The following SAXO1 variants were observed in gnomAD, a reference collection of about 807,000 sequenced individuals.
SAXO1 encodes 4930500O09Rik.
SAXO1 carries 21 observed loss-of-function variants against 17.5 expected under a neutral mutation model. The observed-to-expected ratio is 1.20, with a 90% CI of 0.85 to 1.72. The LOEUF (loss-of-function observed/expected upper bound fraction) is 1.72. Among genes scored for constraint, SAXO1 ranks in the 40% most tolerant of loss-of-function variants. SAXO1 has a pLI of 0.00. For missense variants in SAXO1, 843 were observed against 596.0 expected (o/e 1.41, Z -4.32); for synonymous variants, 274 against 216.5 (o/e 1.27, Z -2.33).
intron 1 of SAXO1, among the ~76,000 whole-genome samples, chr9:19,014,459 TCA>T (rs1834884162): frequency 3.4e-5 from 1 of 29,616 alleles, no homozygotes. Context: ...AAACTGTGTC[TCA>T]AAAAAAAAAA....
At chr9:18,978,643 A>G (rs1833249892) in intron 1 of SAXO1, among the ~76,000 whole-genome samples, 1 of 152,228 alleles carries the variant, frequency 6.6e-6, no homozygotes. Flanking sequence ...GGCTGTGAAA[A>G]TAATTGCCCG....
chr9:19,022,386 G>T (rs895221968), intron 1 of SAXO1, among the ~76,000 whole-genome samples: 1 of 152,186 alleles, frequency 6.6e-6, no homozygotes, highest in Non-Finnish European at 1.5e-5. Context: ...CCACCAGAAG[G>T]AACCAATTCC....
At chr9:18,972,731 A>C (rs552694689) in intron 1 of SAXO1, among the ~76,000 whole-genome samples, 1 of 152,332 alleles carries the variant, frequency 6.6e-6, no homozygotes, top group Admixed American at 6.5e-5. Context: ...GGCCTCCTCC[A>C]GCTTCTACAA....
chr9:18,934,780 C>T (rs980358045), intron 3 of SAXO1, among the ~76,000 whole-genome samples: 5 of 152,316 alleles, frequency 3.3e-5, no homozygotes, highest in Middle Eastern at 6.8e-3. Context: ...TATGCTGCAG[C>T]AACTCTGGAT....
intron 1 of SAXO1, among the ~76,000 whole-genome samples, chr9:19,005,967 T>G (rs1268863219): frequency 6.6e-6 from 1 of 152,148 alleles, no homozygotes; most frequent in African/African-American, 2.4e-5. Flanking sequence ...CAACCCACCT[T>G]GAGTAGACAT....
rs370526504 is a variant in SAXO1, at chr9:19,010,149, A to AC, written c.38+22721_38+22722insG. Among the ~76,000 whole-genome samples the AC allele has an allele frequency of 4.6e-3, 691 of 151,240 alleles. 5 individuals carry two copies. The highest frequency in any genetic ancestry group is 0.016 in the African/African-American group (654 of 41,210). ...TGGCCTACATTTTTAATCTAAAAAAAAACAACAACAACAACAAAAACACCT... is the reference window on the plus strand; with the variant it reads ...TGGCCTACATTTTTAATCTAAAAAAACAACAACAACAACAACAAAAACACCT... On this transcript the variant is annotated intron_variant, in intron 1 of 3. Transcript: ENST00000380534.
chr9:19,048,238 GT>G (rs1836266617), intron 1 of SAXO1, among the ~76,000 whole-genome samples: 1 of 152,210 alleles, frequency 6.6e-6, no homozygotes, highest in South Asian at 2.1e-4. Flanking sequence ...GCCGAGGCAG[GT>G]GGCTGGCTTG....
intron 1 of SAXO1, among the ~76,000 whole-genome samples, chr9:18,954,239 C>T (rs1832153675): frequency 6.6e-6 from 1 of 152,136 alleles, no homozygotes; most frequent in Non-Finnish European, 1.5e-5. Context: ...TAGTAGAGAC[C>T]TTATGATGGA....
At chr9:18,941,490 C>T (rs551429482) in intron 3 of SAXO1, 147 bp downstream of exon 3, 6 of 802,772 alleles carry the variant, frequency 7.5e-6, no homozygotes, top group African/African-American at 5.2e-5. Flanking sequence ...TCCAGCTATA[C>T]AAAAACAGGC....
chr9:18,930,017 G>A (rs886588041), intron 3 of SAXO1, among the ~76,000 whole-genome samples: 3 of 152,226 alleles, frequency 2.0e-5, no homozygotes, highest in African/African-American at 7.2e-5. Context: ...AAGGCTCAGA[G>A]GAGCTAAGAA....
Position 19,006,900 on chromosome 9 carries a change from C to A in SAXO1, c.38+25971G>T, listed in dbSNP as rs1052501724. ...TCTCTACTAAAAATACAAAAATTAGCCAGGTGTGGTGATGTGCACCTGTAA... is the reference window on the plus strand; with the variant it reads ...TCTCTACTAAAAATACAAAAATTAGACAGGTGTGGTGATGTGCACCTGTAA... On this transcript the variant is annotated intron_variant, in intron 1 of 3. Transcript: ENST00000380534. 5.3e-5 allele frequency among the ~76,000 whole-genome samples: 8 copies of A among 151,840 alleles called. No individual in the cohort carries two copies. The South Asian group carries it at 8.3e-4, about 16-fold the overall frequency.
intron 1 of SAXO1, among the ~76,000 whole-genome samples, chr9:18,969,743 G>C (rs975696100): frequency 6.6e-6 from 1 of 152,192 alleles, no homozygotes; most frequent in African/African-American, 2.4e-5. Flanking sequence ...TCAGTTTCTA[G>C]AGCTTTGCTA....
chr9:19,026,271 G>A (rs574094879), intron 1 of SAXO1, among the ~76,000 whole-genome samples: 2 of 152,172 alleles, frequency 1.3e-5, no homozygotes, highest in South Asian at 2.1e-4. Context: ...AGTGTGACTC[G>A]AAAATAGACC....
At chr9:18,943,731 A>G (rs1831675217) in intron 2 of SAXO1, among the ~76,000 whole-genome samples, 2 of 152,196 alleles carry the variant, frequency 1.3e-5, no homozygotes, top group South Asian at 2.1e-4. Context: ...CCTACACCCT[A>G]TTCATTTCCA....
At chr9:18,966,379 T>C (rs947572126) in intron 1 of SAXO1, among the ~76,000 whole-genome samples, 3 of 152,232 alleles carry the variant, frequency 2.0e-5, no homozygotes, top group African/African-American at 7.2e-5. Flanking sequence ...GGTATACCAA[T>C]CAAAAGTGGG....
intron 3 of SAXO1, among the ~76,000 whole-genome samples, chr9:18,934,084 T>C (rs929604538): frequency 6.6e-6 from 1 of 152,186 alleles, no homozygotes; most frequent in African/African-American, 2.4e-5. Flanking sequence ...GTCATTTTTC[T>C]ATATGTGATG....
intron 1 of SAXO1, among the ~76,000 whole-genome samples, chr9:18,956,018 C>G: frequency 6.6e-6 from 1 of 151,868 alleles, no homozygotes; most frequent in East Asian, 1.9e-4. Flanking sequence ...TAGCTCACTG[C>G]AGCCTCAAAA....
intron 1 of SAXO1, among the ~76,000 whole-genome samples, chr9:18,951,799 T>G (rs1384529552): frequency 1.3e-5 from 2 of 152,258 alleles, no homozygotes; most frequent in Non-Finnish European, 1.5e-5. Context: ...ACGTGTACAC[T>G]GTACATTTTT....
chr9:19,029,606 T>C (rs1388181159), intron 1 of SAXO1, among the ~76,000 whole-genome samples: 1 of 152,084 alleles, frequency 6.6e-6, no homozygotes, highest in Non-Finnish European at 1.5e-5. Flanking sequence ...GTGGGAGAGA[T>C]CAAGACTTCC....
Sources: gnomAD v4.1 joint callset for allele counts (sites outside exome capture counted in the v4.1 genomes callset) on GRCh38, gnomAD v4.1.1 for gene constraint, MANE v1.5 for transcripts, NCBI Gene and HGNC (gene_info 2026-07-23, HGNC 2026-07-21) for gene names.